Variants in LRRC4C observed in about 807,000 individuals in gnomAD.
LRRC4C encodes leucine rich repeat containing 4C, also known as leucine-rich repeat-containing protein 4C.
In LRRC4C, 5 loss-of-function variants were observed where a neutral mutation model predicts 33.6. That is an observed-to-expected ratio of 0.15 (90% confidence interval 0.08 to 0.31). LRRC4C has a LOEUF of 0.31. LRRC4C is among the 10% of genes least tolerant of loss of function. The pLI is 1.00. For synonymous variants in LRRC4C, 329 were observed against 302.0 expected, an observed-to-expected ratio of 1.09 and a Z score of -0.93; for missense variants, 560 against 796.7, an observed-to-expected ratio of 0.70 and a Z score of 3.58.
intron 1 of LRRC4C, among the ~76,000 whole-genome samples, chr11:41,240,958 C>G (rs1948226995): frequency 1.3e-5 from 2 of 152,092 alleles, no homozygotes; most frequent in South Asian, 4.1e-4. Flanking sequence ...TTAAAGGAAC[C>G]ACCATTTTAC....
intron 4 of LRRC4C, among the ~76,000 whole-genome samples, chr11:40,285,824 A>G (rs1235027846): frequency 6.6e-6 from 1 of 152,212 alleles, no homozygotes; most frequent in Non-Finnish European, 1.5e-5. Flanking sequence ...TACCAAGTCA[A>G]CAAGTTTGAC....
chr11:40,480,274 T>C (rs1325516541), intron 3 of LRRC4C, among the ~76,000 whole-genome samples: 1 of 150,864 alleles, frequency 6.6e-6, no homozygotes, highest in African/African-American at 2.4e-5. Context: ...GAAAGTTTTT[T>C]GTTTGCTTGC....
At chr11:41,218,010 T>C (rs1466890207) in intron 1 of LRRC4C, among the ~76,000 whole-genome samples, 1 of 152,184 alleles carries the variant, frequency 6.6e-6, no homozygotes, top group Non-Finnish European at 1.5e-5. Flanking sequence ...TGATATGTGT[T>C]CTCATCCAAA....
At chr11:40,914,895 T>C (rs1956875515) in intron 2 of LRRC4C, among the ~76,000 whole-genome samples, 1 of 152,142 alleles carries the variant, frequency 6.6e-6, no homozygotes, top group Non-Finnish European at 1.5e-5. Context: ...AGCATTCTTA[T>C]ACACCAATAA....
chr11:40,950,240 G>GC (rs1565233836), intron 1 of LRRC4C, among the ~76,000 whole-genome samples: 8 of 151,474 alleles, frequency 5.3e-5, no homozygotes. Flanking sequence ...ATTCCATTAT[G>GC]TTTTTTTCTT....
chr11:41,070,486 C>T (rs188578224), intron 1 of LRRC4C, among the ~76,000 whole-genome samples: 46 of 152,188 alleles, frequency 3.0e-4, no homozygotes, highest in Admixed American at 2.9e-3. Context: ...AGGCAATCTA[C>T]AGAATGGGAG....
At position 41,458,546 on chromosome 11, in the gene LRRC4C, G is replaced by C. The variant is rs557030279; in HGVS notation, c.-496+885C>G. ...TTCACTTTGAAGGAAAAGCGTGGTGGGGGGGAGGGGGGCGGGTGAAGAAAG... is the reference window on the plus strand; with the variant it reads ...TTCACTTTGAAGGAAAAGCGTGGTGCGGGGGAGGGGGGCGGGTGAAGAAAG... On this transcript the variant is annotated intron_variant, in intron 1 of 6. Transcript: ENST00000528697. Among the ~76,000 whole-genome samples, 5 of 138,858 alleles carry C rather than the reference G, an allele frequency of 3.6e-5. No homozygotes were observed. In the East Asian group the frequency reaches 1.2e-3, roughly 34 times the overall value. 91.1% of individuals were successfully genotyped at this position (138,858 alleles called of 152,430 possible). A position where few individuals can be genotyped will look rare whatever the true frequency, so the allele number is the denominator to read the frequency against.
intron 1 of LRRC4C, among the ~76,000 whole-genome samples, chr11:40,952,449 G>C (rs1240947891): frequency 2.0e-5 from 3 of 151,638 alleles, no homozygotes; most frequent in Non-Finnish European, 2.9e-5. Flanking sequence ...TTTCACTTTT[G>C]GTCGAGCATG....
intron 2 of LRRC4C, among the ~76,000 whole-genome samples, chr11:40,737,096 A>G (rs1179131998): frequency 6.6e-6 from 1 of 152,002 alleles, no homozygotes; most frequent in Non-Finnish European, 1.5e-5. Flanking sequence ...AAATGGTATT[A>G]CCTAAGTTTT....
intron 1 of LRRC4C, among the ~76,000 whole-genome samples, chr11:41,168,414 C>G (rs1944826181): frequency 6.6e-6 from 1 of 152,162 alleles, no homozygotes; most frequent in Non-Finnish European, 1.5e-5. Flanking sequence ...TTACCTGTTT[C>G]CATCTTTAGG....
intron 2 of LRRC4C, among the ~76,000 whole-genome samples, chr11:40,684,967 C>A (rs1416439768): frequency 6.6e-6 from 1 of 151,988 alleles, no homozygotes; most frequent in Non-Finnish European, 1.5e-5. Flanking sequence ...CTCCTGCATT[C>A]TTTGAGAAAA....
chr11:40,120,844 C>A (rs922054830), intron 6 of LRRC4C, among the ~76,000 whole-genome samples: 2 of 152,144 alleles, frequency 1.3e-5, no homozygotes, highest in African/African-American at 4.8e-5. Flanking sequence ...TGTGAGACTT[C>A]TTGAGATCAT....
intron 3 of LRRC4C, among the ~76,000 whole-genome samples, chr11:40,402,141 A>G (rs1167217791): frequency 6.6e-6 from 1 of 152,136 alleles, no homozygotes; most frequent in African/African-American, 2.4e-5. Flanking sequence ...GTTCAAAGAC[A>G]TGTCTAAAAG....
chr11:40,482,516 T>C (rs1398837563), intron 3 of LRRC4C, among the ~76,000 whole-genome samples: 1 of 152,114 alleles, frequency 6.6e-6, no homozygotes, highest in African/African-American at 2.4e-5. Context: ...TTACCGAGGC[T>C]GGAGTGCAAT....
At chr11:40,274,526 T>G (rs1176798140) in intron 4 of LRRC4C, among the ~76,000 whole-genome samples, 1 of 150,034 alleles carries the variant, frequency 6.7e-6, no homozygotes, top group East Asian at 2.0e-4. Context: ...AATAAATACA[T>G]TTGATAAGCA....
rs867160632 is a variant in LRRC4C, at chr11:41,304,896, G to A, written c.-496+154535C>T. On this transcript the variant is annotated intron_variant, in intron 1 of 6. Transcript: ENST00000528697. The stretch of plus-strand genomic sequence containing the variant: ...GTATCAGCCCTCCGCCCGGCCAGCC[G>A]CCCCATCCGGGAGGGAGGTGGGGGG... Among the ~76,000 whole-genome samples the A allele has an allele frequency of 7.1e-4, 48 of 67,758 alleles. 2 individuals are homozygous for A. Among genetic ancestry groups the A allele is most frequent in the African/African-American group, 2.0e-3 (46 of 23,362 alleles). 44.5% of individuals were successfully genotyped at this position (67,758 alleles called of 152,430 possible).
chr11:41,074,334 T>G (rs1024424012), intron 1 of LRRC4C, among the ~76,000 whole-genome samples: 1 of 152,188 alleles, frequency 6.6e-6, no homozygotes, highest in African/African-American at 2.4e-5. Context: ...ATCTTTCCAC[T>G]TTAAAGATAT....
intron 2 of LRRC4C, among the ~76,000 whole-genome samples, chr11:40,726,489 G>T (rs554234575): frequency 6.6e-6 from 1 of 152,024 alleles, no homozygotes; most frequent in Admixed American, 6.6e-5. Context: ...AAGCAAGATT[G>T]GTTCAACATA....
At chr11:40,691,502 A>C (rs1945219782) in intron 2 of LRRC4C, among the ~76,000 whole-genome samples, 1 of 152,110 alleles carries the variant, frequency 6.6e-6, no homozygotes, top group Admixed American at 6.6e-5. Context: ...CTAGAGAAAA[A>C]ATGTAAAACA....
Sources: gnomAD v4.1 joint callset for allele counts (sites outside exome capture counted in the v4.1 genomes callset) on GRCh38, gnomAD v4.1.1 for gene constraint, MANE v1.5 for transcripts, NCBI Gene and HGNC (gene_info 2026-07-23, HGNC 2026-07-21) for gene names.